The following PARP2 variants were observed in gnomAD, a reference collection of about 807,000 sequenced individuals.
PARP2 encodes the protein poly [ADP-ribose] polymerase 2.
A neutral mutation model predicts 77.8 loss-of-function variants in PARP2; 57 were observed. The observed-to-expected ratio is 0.73, with a 90% confidence interval of 0.59 to 0.91. PARP2 has a LOEUF of 0.91. Ranked by LOEUF, PARP2 falls within the 40% of genes least tolerant of loss-of-function variation. The pLI, the probability that PARP2 is intolerant of heterozygous loss-of-function variation, is 0.00. For synonymous variants in PARP2, 226 were observed against 242.6 expected, an observed-to-expected ratio of 0.93 and a Z score of 0.64; for missense variants, 651 against 689.0, an observed-to-expected ratio of 0.94 and a Z score of 0.62.
At chr14:20,356,154 A>G in intron 11 of PARP2, 123 bp downstream of exon 11, 1 of 1,419,200 alleles carries the variant, frequency 7.0e-7, no homozygotes, top group South Asian at 1.3e-5. Flanking sequence ...TTTATGTACT[A>G]GGGATTTGGG....
intron 2 of PARP2, 120 bp downstream of exon 2, chr14:20,345,207 T>C: frequency 8.3e-7 from 1 of 1,201,180 alleles, no homozygotes; most frequent in Non-Finnish European, 1.2e-6. Flanking sequence ...AATTTCTCTA[T>C]CCTTTGGGCA....
chr14:20,348,592 T>C (rs1883850585), intron 4 of PARP2, among the ~76,000 whole-genome samples: 1 of 152,202 alleles, frequency 6.6e-6, no homozygotes, highest in South Asian at 2.1e-4. Context: ...GATAATACAT[T>C]TGCCTCATTA....
chr14:20,357,660 G>A lies in PARP2; in HGVS notation c.1576G>A (p.Gly526Arg). 6.2e-7 allele frequency: 1 copy of A among 1,613,568 alleles called. No homozygotes were observed. Among genetic ancestry groups the A allele is most frequent in the South Asian group, 1.1e-5 (1 of 90,918 alleles). ...VTLNGSTVPL[G>R]PASDTGILNP... is the part of the protein sequence containing the mutation. Reference sequence around the variant, plus strand: ...CAGGAATGGGAGTACAGTGCCATTAGGACCAGCAAGTGACACAGGAATTCT... The same window carrying A: ...CAGGAATGGGAGTACAGTGCCATTAAGACCAGCAAGTGACACAGGAATTCT... Residue 526 changes from glycine (G) to arginine (R), a missense_variant, in exon 16 of 16, where the codon GGA becomes AGA. Physicochemically the swap from Gly to Arg is moderately radical, Grantham distance 125. Transcript: ENST00000429687.
At position 20,357,390 on chromosome 14, in the gene PARP2, T is replaced by C; in HGVS notation, c.1429-6T>C. On this transcript the variant is annotated splice_polypyrimidine_tract_variant and splice_region_variant and intron_variant, in intron 14 of 15. Transcript: ENST00000429687. The stretch of plus-strand genomic sequence containing the variant: ...TATGGGAATTCAAAGGTTTTTTGCT[T>C]TGCAGGTAGCTCTAGGTCAGTGTAA... The C allele has an allele frequency of 6.3e-7, 1 of 1,590,712 alleles. No individual in the cohort carries two copies. Among genetic ancestry groups the C allele is most frequent in the Non-Finnish European group, 8.5e-7 (1 of 1,172,056 alleles).
intron 4 of PARP2, among the ~76,000 whole-genome samples, chr14:20,349,232 A>G (rs1292105629): frequency 6.6e-6 from 1 of 152,060 alleles, no homozygotes; most frequent in Non-Finnish European, 1.5e-5. Context: ...AGGTGGGAGG[A>G]TTGCTTGAGC....
intron 7 of PARP2, among the ~76,000 whole-genome samples, chr14:20,353,445 A>T (rs1005730547): frequency 2.0e-5 from 3 of 151,022 alleles, no homozygotes; most frequent in Non-Finnish European, 3.0e-5. Flanking sequence ...GGGTTTCACC[A>T]TGTTAGCCAG....
intron 4 of PARP2, among the ~76,000 whole-genome samples, chr14:20,349,663 G>C (rs1450099779): frequency 2.0e-5 from 3 of 152,132 alleles, no homozygotes; most frequent in Non-Finnish European, 4.4e-5. Flanking sequence ...GACAGAGCAA[G>C]ACTCTGTCTC....
At chr14:20,344,865 T>G in intron 1 of PARP2, 67 bp from the exon 2 acceptor site, 1 of 1,026,260 alleles carries the variant, frequency 9.7e-7, no homozygotes, top group Non-Finnish European at 1.5e-6. Context: ...AAAGATTTTT[T>G]TCAATCTTTA....
At chr14:20,345,190 A>C in intron 2 of PARP2, 103 bp downstream of exon 2, 2 of 1,333,842 alleles carry the variant, frequency 1.5e-6, no homozygotes, top group Non-Finnish European at 2.1e-6. Flanking sequence ...TCTTTCAGGG[A>C]ATAATTAATT....
In PARP2 at chr14:20,344,823, A is replaced by T. The variant is rs904109561; in HGVS notation, c.47-109A>T. 9 of 827,386 alleles carry T rather than the reference A, an allele frequency of 1.1e-5. No individual in the cohort carries two copies. The African/African-American group carries it at 1.4e-4, about 13-fold the overall frequency. The allele number at this position is 827,386 out of a possible 1,614,324, so 51.3% of individuals were successfully genotyped here. Reference sequence around the variant, plus strand: ...GTGAGACTCCACCTCAAAACAAAAAAAGAGAGAAAATTATCTTAAACCATT... The same window carrying T: ...GTGAGACTCCACCTCAAAACAAAAATAGAGAGAAAATTATCTTAAACCATT... On this transcript the variant is annotated intron_variant, in intron 1 of 15. Transcript: ENST00000429687.
intron 13 of PARP2, 46 bp from the exon 14 acceptor site, chr14:20,357,003 AAC>A (rs771254441): frequency 1.7e-6 from 2 of 1,192,570 alleles, no homozygotes; most frequent in Non-Finnish European, 2.5e-6. Context: ...CCTTCTCTCT[AAC>A]ACAGTGGGTT....
intron 7 of PARP2, 178 bp downstream of exon 7, chr14:20,352,525 G>A (rs1040156147): frequency 4.1e-5 from 18 of 442,478 alleles, no homozygotes; most frequent in Admixed American, 2.8e-4. Flanking sequence ...AGGAACTACA[G>A]GCACGTGCCA....
intron 7 of PARP2, chr14:20,352,879 C>CT (rs5807033): frequency 5.1e-4 from 73 of 142,702 alleles, no homozygotes; most frequent in South Asian, 6.7e-4. Flanking sequence ...TACTAAGGTT[C>CT]TTTTTTTTTT....
At chr14:20,350,086 G>C (rs925021168) in intron 4 of PARP2, among the ~76,000 whole-genome samples, 1 of 152,212 alleles carries the variant, frequency 6.6e-6, no homozygotes, top group African/African-American at 2.4e-5. Context: ...GCTGTGAGTA[G>C]AACTGTCAAG....
Position 20,354,859 on chromosome 14 carries a change from A to C in PARP2, c.814A>C (p.Ile272Leu), listed in dbSNP as rs3093925. ...IKAGYQSLKKIEDCIRAGQHG... is the reference protein window; with the variant it reads ...IKAGYQSLKKLEDCIRAGQHG... The stretch of plus-strand genomic sequence containing the variant: ...GGCAGGTTACCAGTCTCTTAAGAAG[A>C]TTGAGGATTGTATTCGGGCTGGCCA... Residue 272 changes from isoleucine (I) to leucine (L), a missense_variant, in exon 9 of 16, where the codon ATT becomes CTT. Physicochemically the swap from Ile to Leu is conservative, Grantham distance 5. Coordinates refer to ENST00000429687, the MANE Select transcript of PARP2 (RefSeq NM_001042618.2). 6.2e-7 allele frequency: 1 copy of C among 1,614,014 alleles called. No individual in the cohort carries two copies.
chr14:20,356,240 C>G, intron 11 of PARP2, 67 bp from the exon 12 acceptor site: 1 of 1,568,066 alleles, frequency 6.4e-7, no homozygotes, highest in Non-Finnish European at 8.7e-7. Context: ...TCAGAATCCC[C>G]AAATTCTTCA....
At chr14:20,355,283 C>G (rs946256632) in intron 9 of PARP2, 4 of 210,058 alleles carry the variant, frequency 1.9e-5, no homozygotes, top group Non-Finnish European at 3.8e-5. Context: ...AACACCATTT[C>G]TGTGAACTCA....
At chr14:20,345,215 G>A in intron 2 of PARP2, 128 bp downstream of exon 2, 1 of 1,097,532 alleles carries the variant, frequency 9.1e-7, no homozygotes, top group Non-Finnish European at 1.4e-6. Context: ...TATCCTTTGG[G>A]CATACCACAG....
chr14:20,356,666 G>GA lies in PARP2; in HGVS notation c.1308dup (p.Ala437SerfsTer16). On this transcript the variant is annotated frameshift_variant, in exon 13 of 16. Coordinates refer to ENST00000429687, the MANE Select transcript of PARP2 (RefSeq NM_001042618.2). LOFTEE classifies it high-confidence loss of function. The stretch of plus-strand genomic sequence containing the variant: ...CCATGGGCTTCGAATTGCCCCACCT[G>GA]AAGCTCCCATCACAGGTTACATGGT... The GA allele has an allele frequency of 6.2e-7, 1 of 1,613,678 alleles. No individual in the cohort carries two copies. The highest frequency in any genetic ancestry group is 8.5e-7 in the Non-Finnish European group (1 of 1,179,556).
Sources: gnomAD v4.1 joint callset for allele counts (sites outside exome capture counted in the v4.1 genomes callset) on GRCh38, gnomAD v4.1.1 for gene constraint, MANE v1.5 for transcripts, NCBI Gene and HGNC (gene_info 2026-07-23, HGNC 2026-07-21) for gene names.